PTGER1: variants seen among roughly 807,000 people sequenced by gnomAD.
PTGER1 encodes the protein prostaglandin E receptor 1.
Under a neutral mutation model 18.5 loss-of-function variants are expected in PTGER1, and 15 were observed. The observed-to-expected ratio is 0.81, with a 90% CI of 0.54 to 1.25. The LOEUF (loss-of-function observed/expected upper bound fraction) is 1.25, where lower values mean the gene tolerates loss of function less well. Ranked by LOEUF, PTGER1 falls within the 50% of genes most tolerant of loss-of-function variation. The pLI is 0.00. For synonymous variants in PTGER1, 339 were observed against 308.4 expected (o/e 1.10, Z -1.04); for missense variants, 567 against 603.4 (o/e 0.94, Z 0.63).
At position 14,473,529 on chromosome 19, in the gene PTGER1, CGAGGCGGAG is replaced by C. The variant is rs2071586632; in HGVS notation, c.783_791del (p.Ala266_Ser268del). 2 of 1,559,958 alleles carry C rather than the reference CGAGGCGGAG, an allele frequency of 1.3e-6. No homozygotes were observed. The highest frequency in any genetic ancestry group is 1.7e-6 in the Non-Finnish European group (2 of 1,158,102). ...AGGCCGAAGCGATGGACGAGGCGGA[CGAGGCGGAG>C]GCCGAGCGGGGTCCGTGCGCCCCCC... is the stretch of plus-strand genomic sequence containing the variant. On this transcript the variant is annotated inframe_deletion, in exon 2 of 3. Transcript: ENST00000292513. This position sits in a 1 kb window ranked among gnomAD's most constrained non-coding sequence, Gnocchi z 7.1.
chr19:14,472,520 C>T lies in PTGER1; in HGVS notation c.*40G>A. ...TCTGCGCCGCGCACCTGGGCCCAGCCCAGGGTGGGCTGGCTTAGTCGTTGG... is the reference window on the plus strand; with the variant it reads ...TCTGCGCCGCGCACCTGGGCCCAGCTCAGGGTGGGCTGGCTTAGTCGTTGG... On this transcript the variant is annotated 3_prime_UTR_variant, in exon 3 of 3. Coordinates refer to ENST00000292513, the MANE Select transcript of PTGER1 (RefSeq NM_000955.3). 1 of 1,507,424 alleles carries T rather than the reference C, an allele frequency of 6.6e-7. No individual in the cohort carries two copies. The highest frequency in any genetic ancestry group is 8.8e-7 in the Non-Finnish European group (1 of 1,135,856). 93.4% of individuals were successfully genotyped at this position (1,507,424 alleles called of 1,614,324 possible).
Position 14,474,667 on chromosome 19 carries a change from T to C in PTGER1, c.-17-330A>G, listed in dbSNP as rs913999532. ...TCTGCCAGTGCCTCCGACCCCCACC[T>C]TCCATTTTTACACCCAGCAAATTCC... On this transcript the variant is annotated intron_variant, in intron 1 of 2. Coordinates refer to ENST00000292513, the MANE Select transcript of PTGER1 (RefSeq NM_000955.3). The surrounding 1 kb of genome is among the most constrained non-coding windows in gnomAD (Gnocchi z 5.4). 2.0e-5 allele frequency among the ~76,000 whole-genome samples: 3 copies of C among 150,674 alleles called. No homozygotes were observed. The highest frequency in any genetic ancestry group is 4.4e-5 in the Non-Finnish European group (3 of 67,704).
At position 14,472,620 on chromosome 19, in the gene PTGER1, C is replaced by T. The variant is rs1246594579; in HGVS notation, c.1149G>A (p.Pro383=). 1 of 1,601,860 alleles carries T rather than the reference C, an allele frequency of 6.2e-7. No homozygotes were observed. The highest frequency in any genetic ancestry group is 8.5e-7 in the Non-Finnish European group (1 of 1,175,552). Residue 383 remains proline (P), a synonymous_variant, in exon 3 of 3, where the codon CCG becomes CCA. Transcript: ENST00000292513. ...GCAGCGAGCTGGCCTCCCAGGCGCTCGGTGTTAGGCCCAGCCCCGCGGGGC... is the reference window on the plus strand; with the variant it reads ...GCAGCGAGCTGGCCTCCCAGGCGCTTGGTGTTAGGCCCAGCCCCGCGGGGC... ...KGGPAGLGLT[P]SAWEASSLRS... is the part of the protein sequence containing the mutation.
Position 14,472,582 on chromosome 19 carries a change from T to G in PTGER1, c.1187A>C (p.His396Pro). ...WEASSLRSSR[H>P]SGLSHF Reference sequence around the variant, plus strand: ...TGCTTAGAAGTGGCTGAGGCCGCTGTGCCGGGAGCTGCGCAGCGAGCTGGC... The same window carrying G: ...TGCTTAGAAGTGGCTGAGGCCGCTGGGCCGGGAGCTGCGCAGCGAGCTGGC... The change falls in exon 3 of 3, where the codon CAC becomes CCC. Residue 396 changes from histidine to proline, a missense_variant. Transcript: ENST00000292513. The G allele has an allele frequency of 2.5e-6, 4 of 1,590,418 alleles. No homozygotes were observed. The highest frequency in any genetic ancestry group is 3.4e-6 in the Non-Finnish European group (4 of 1,171,388).
In PTGER1 at chr19:14,473,669, C is replaced by G; in HGVS notation, c.652G>C (p.Ala218Pro). 2.7e-6 allele frequency: 4 copies of G among 1,475,796 alleles called. No individual in the cohort carries two copies. Among genetic ancestry groups the G allele is most frequent in the South Asian group, 1.3e-5 (1 of 78,002 alleles). 91.4% of individuals were successfully genotyped at this position (1,475,796 alleles called of 1,614,324 possible). Residue 218 changes from alanine (A) to proline (P), a missense_variant, in exon 2 of 3, where the codon GCG (alanine) becomes CCG (proline). Coordinates refer to ENST00000292513, the MANE Select transcript of PTGER1 (RefSeq NM_000955.3). This position sits in a 1 kb window ranked among gnomAD's most constrained non-coding sequence, Gnocchi z 7.1. ...CCGCTGAGCGTGTTGCACACCAGCGCGGCGAGGAGCGCGACCAGGCCGAGG... is the reference window on the plus strand; with the variant it reads ...CCGCTGAGCGTGTTGCACACCAGCGGGGCGAGGAGCGCGACCAGGCCGAGG... ...ASLGLVALLAALVCNTLSGLA... is the reference protein window; with the variant it reads ...ASLGLVALLAPLVCNTLSGLA...
Position 14,472,907 on chromosome 19 carries a change from T to TA in PTGER1, c.943-82dup, listed in dbSNP as rs2071579092. 1.8e-5 allele frequency: 25 copies of TA among 1,387,208 alleles called. No individual in the cohort carries two copies. In the South Asian group the frequency reaches 3.4e-4, roughly 19 times the overall value. The allele number at this position is 1,387,208 out of a possible 1,614,324, so 85.9% of individuals were successfully genotyped here. ...GGATGGTGGGGGCGTGGCTGGAAGG[T>TA]AAAAGCCTGGGAGGAGGGGCGAGCC... On this transcript the variant is annotated intron_variant, in intron 2 of 2. Transcript: ENST00000292513.
Position 14,473,732 on chromosome 19 carries a change from C to G in PTGER1, c.589G>C (p.Gly197Arg). Residue 197 changes from glycine (G) to arginine (R), a missense_variant, in exon 2 of 3, where the codon GGC (glycine) becomes CGC (arginine). Transcript: ENST00000292513. The surrounding 1 kb of genome is among the most constrained non-coding windows in gnomAD (Gnocchi z 7.1). ...WCFIGLGPPGGWRQALLAGLF... is the reference protein window; with the variant it reads ...WCFIGLGPPGRWRQALLAGLF... ...CCAGCAAGCAGTGCCTGGCGCCAGC[C>G]GCCCGGGGGACCCAGGCCGATGAAG... 1 of 1,460,196 alleles carries G rather than the reference C, an allele frequency of 6.8e-7. No individual in the cohort carries two copies. Among genetic ancestry groups the G allele is most frequent in the Non-Finnish European group, 9.0e-7 (1 of 1,111,754 alleles). 90.5% of individuals were successfully genotyped at this position (1,460,196 alleles called of 1,614,324 possible). A position where few individuals can be genotyped will look rare whatever the true frequency, so the allele number is the denominator to read the frequency against.
In PTGER1 at chr19:14,473,521, G is replaced by C. The variant is rs1275918952; in HGVS notation, c.800C>G (p.Ser267Trp). 10 of 1,560,830 alleles carry C rather than the reference G, an allele frequency of 6.4e-6. No individual in the cohort carries two copies. Among genetic ancestry groups the C allele is most frequent in the Non-Finnish European group, 8.6e-6 (10 of 1,158,390 alleles). ...GAAGGTGGAGGCCGAAGCGATGGAC[G>C]AGGCGGACGAGGCGGAGGCCGAGCG... is the stretch of plus-strand genomic sequence containing the variant. ...GPRSASASSA[S>W]SIASASTFFG... Residue 267 changes from serine (S) to tryptophan (W), a missense_variant, in exon 2 of 3, where the codon TCG becomes TGG. Physicochemically the swap from Ser to Trp is radical, Grantham distance 177 (BLOSUM62 -3). Transcript: ENST00000292513. The surrounding 1 kb of genome is among the most constrained non-coding windows in gnomAD (Gnocchi z 7.1).
In PTGER1 at chr19:14,473,112, T is replaced by C. The variant is rs560020827; in HGVS notation, c.942+267A>G. ...CTAGGGAATGAAGCGCGGCGACTTA[T>C]AACGGTGGGGCAGGAGAGGAGGCTT... On this transcript the variant is annotated intron_variant, in intron 2 of 2. Coordinates refer to ENST00000292513, the MANE Select transcript of PTGER1 (RefSeq NM_000955.3). The surrounding 1 kb of genome is among the most constrained non-coding windows in gnomAD (Gnocchi z 7.1). 6.0e-5 allele frequency among the ~76,000 whole-genome samples: 9 copies of C among 150,548 alleles called. No individual in the cohort carries two copies. Among genetic ancestry groups the C allele is most frequent in the East Asian group, 2.0e-4 (1 of 5,068 alleles).
chr19:14,473,520 C>T lies in PTGER1; in HGVS notation c.801G>A (p.Ser267=). 6.4e-7 allele frequency: 1 copy of T among 1,560,660 alleles called. No homozygotes were observed. Among genetic ancestry groups the T allele is most frequent in the Non-Finnish European group, 8.6e-7 (1 of 1,158,254 alleles). ...AGAAGGTGGAGGCCGAAGCGATGGA[C>T]GAGGCGGACGAGGCGGAGGCCGAGC... The part of the protein sequence containing the change: ...GPRSASASSA[S]SIASASTFFG... The change falls in exon 2 of 3, where the codon TCG becomes TCA. Residue 267 remains serine, a synonymous_variant. Coordinates refer to ENST00000292513, the MANE Select transcript of PTGER1 (RefSeq NM_000955.3). This position sits in a 1 kb window ranked among gnomAD's most constrained non-coding sequence, Gnocchi z 7.1.
In PTGER1 at chr19:14,473,530, G is replaced by T. The variant is rs370548595; in HGVS notation, c.791C>A (p.Ser264Ter). ...GGCCGAAGCGATGGACGAGGCGGAC[G>T]AGGCGGAGGCCGAGCGGGGTCCGTG... ...GAHGPRSASA[S>*]SASSIASAST... The change falls in exon 2 of 3, where the codon TCG becomes TAG. Residue 264 changes from serine to a stop codon, truncating the protein, a stop_gained. Coordinates refer to ENST00000292513, the MANE Select transcript of PTGER1 (RefSeq NM_000955.3). LOFTEE classifies it high-confidence loss of function. The surrounding 1 kb of genome is among the most constrained non-coding windows in gnomAD (Gnocchi z 7.1). 2.6e-6 allele frequency: 4 copies of T among 1,557,716 alleles called. No homozygotes were observed. The South Asian group carries it at 4.7e-5, about 18-fold the overall frequency.
At chr19:14,472,880 AG>A in intron 2 of PTGER1, 54 bp from the exon 3 acceptor site, 1 of 1,495,168 alleles carries the variant, frequency 6.7e-7, no homozygotes, top group Non-Finnish European at 8.9e-7. Context: ...AGGGGGGCGC[AG>A]GGATGGTGGG....
Position 14,473,868 on chromosome 19 carries a change from G to C in PTGER1, c.453C>G (p.Val151=). The C allele has an allele frequency of 8.2e-7, 1 of 1,222,558 alleles. No individual in the cohort carries two copies. Among genetic ancestry groups the C allele is most frequent in the South Asian group, 3.7e-5 (1 of 27,378 alleles). The allele number at this position is 1,222,558 out of a possible 1,614,324, so 75.7% of individuals were successfully genotyped here. A position where few individuals can be genotyped will look rare whatever the true frequency, so the allele number is the denominator to read the frequency against. ...CGGCCAGCGCCAGGCGCGCGCGGGCGACCGAGACCCGCGCGGCGTGGAGCA... is the reference window on the plus strand; with the variant it reads ...CGGCCAGCGCCAGGCGCGCGCGGGCCACCGAGACCCGCGCGGCGTGGAGCA... ...RPLLHAARVS[V]ARARLALAAV... is the part of the protein sequence containing the mutation. The change falls in exon 2 of 3, where the codon GTC becomes GTG. Residue 151 remains valine, a synonymous_variant. Transcript: ENST00000292513. This position sits in a 1 kb window ranked among gnomAD's most constrained non-coding sequence, Gnocchi z 7.1.
Position 14,473,497 on chromosome 19 carries a change from A to G in PTGER1, c.824T>C (p.Phe275Ser), listed in dbSNP as rs2071585801. 6.3e-7 allele frequency: 1 copy of G among 1,583,712 alleles called. No individual in the cohort carries two copies. The highest frequency in any genetic ancestry group is 1.8e-5 in the Admixed American group (1 of 56,388). Residue 275 changes from phenylalanine to serine, a missense_variant, in exon 2 of 3, where the codon TTC becomes TCC. Transcript: ENST00000292513. This position sits in a 1 kb window ranked among gnomAD's most constrained non-coding sequence, Gnocchi z 7.1. ...SASSIASASTFFGGSRSSGSA... is the reference protein window; with the variant it reads ...SASSIASASTSFGGSRSSGSA... Reference sequence around the variant, plus strand: ...GCCGCTGCTCCGAGAGCCGCCAAAGAAGGTGGAGGCCGAAGCGATGGACGA... The same window carrying G: ...GCCGCTGCTCCGAGAGCCGCCAAAGGAGGTGGAGGCCGAAGCGATGGACGA...
In PTGER1 at chr19:14,473,139, T is replaced by C. The variant is rs1280485139; in HGVS notation, c.942+240A>G. On this transcript the variant is annotated intron_variant, in intron 2 of 2. Coordinates refer to ENST00000292513, the MANE Select transcript of PTGER1 (RefSeq NM_000955.3). The surrounding 1 kb of genome is among the most constrained non-coding windows in gnomAD (Gnocchi z 7.1). ...ACGGTGGGGCAGGAGAGGAGGCTTG[T>C]GTGGGTCGGGGTGCGCTACAAAGAC... Among the ~76,000 whole-genome samples, 2 of 148,364 alleles carry C rather than the reference T, an allele frequency of 1.3e-5. No individual in the cohort carries two copies. The highest frequency in any genetic ancestry group is 3.0e-5 in the Non-Finnish European group (2 of 67,166).
Position 14,473,837 on chromosome 19 carries a change from C to G in PTGER1, c.484G>C (p.Ala162Pro). 2 of 1,258,404 alleles carry G rather than the reference C, an allele frequency of 1.6e-6. No individual in the cohort carries two copies. Among genetic ancestry groups the G allele is most frequent in the East Asian group, 6.8e-5 (2 of 29,518 alleles). The allele number at this position is 1,258,404 out of a possible 1,614,324, so 78.0% of individuals were successfully genotyped here. A position where few individuals can be genotyped will look rare whatever the true frequency, so the allele number is the denominator to read the frequency against. ...ARARLALAAV[A>P]AVALAVALLP... is the part of the protein sequence containing the mutation. The stretch of plus-strand genomic sequence containing the variant: ...AGCGCCACGGCCAAGGCCACCGCGG[C>G]CACCGCGGCCAGCGCCAGGCGCGCG... Residue 162 changes from alanine to proline, a missense_variant, in exon 2 of 3, where the codon GCC becomes CCC. Physicochemically the swap from Ala to Pro is conservative, Grantham distance 27 (BLOSUM62 -1). Transcript: ENST00000292513. The surrounding 1 kb of genome is among the most constrained non-coding windows in gnomAD (Gnocchi z 7.1).
At position 14,474,461 on chromosome 19, in the gene PTGER1, C is replaced by T. The variant is rs972161695; in HGVS notation, c.-17-124G>A. On this transcript the variant is annotated intron_variant, in intron 1 of 2. Coordinates refer to ENST00000292513, the MANE Select transcript of PTGER1 (RefSeq NM_000955.3). The surrounding 1 kb of genome is among the most constrained non-coding windows in gnomAD (Gnocchi z 5.4). ...GGCGTTCTCAGGCGGCCCCTCTGCCCATGGCAGTTGCCATGGGCAACTCCA... is the reference window on the plus strand; with the variant it reads ...GGCGTTCTCAGGCGGCCCCTCTGCCTATGGCAGTTGCCATGGGCAACTCCA... 32 of 1,135,986 alleles carry T rather than the reference C, an allele frequency of 2.8e-5. 1 individual carries two copies. Among genetic ancestry groups the T allele is most frequent in the Middle Eastern group, 3.1e-4 (1 of 3,276 alleles). The allele number at this position is 1,135,986 out of a possible 1,614,324, so 70.4% of individuals were successfully genotyped here.
chr19:14,473,595 G>C lies in PTGER1; in HGVS notation c.726C>G (p.Pro242=). The C allele has an allele frequency of 6.8e-7, 1 of 1,471,680 alleles. No individual in the cohort carries two copies. Among genetic ancestry groups the C allele is most frequent in the South Asian group, 1.3e-5 (1 of 74,994 alleles). The allele number at this position is 1,471,680 out of a possible 1,614,324, so 91.2% of individuals were successfully genotyped here. ...GCCGGCTGTCGGGGCCTGAGGCCGGGGGAGGCCGTCGGGAGCGGCGTCGCC... is the reference window on the plus strand; with the variant it reads ...GCCGGCTGTCGGGGCCTGAGGCCGGCGGAGGCCGTCGGGAGCGGCGTCGCC... ...ARWRRRSRRP[P]PASGPDSRRR... The change falls in exon 2 of 3, where the codon CCC becomes CCG. Residue 242 remains proline, a synonymous_variant. Coordinates refer to ENST00000292513, the MANE Select transcript of PTGER1 (RefSeq NM_000955.3). This position sits in a 1 kb window ranked among gnomAD's most constrained non-coding sequence, Gnocchi z 7.1.
rs1599338900 is a variant in PTGER1, at chr19:14,472,790, T to G, written c.979A>C (p.Thr327Pro). The G allele has an allele frequency of 6.4e-7, 1 of 1,567,194 alleles. No individual in the cohort carries two copies. Among genetic ancestry groups the G allele is most frequent in the East Asian group, 2.4e-5 (1 of 41,882 alleles). Residue 327 changes from threonine to proline, a missense_variant, in exon 3 of 3, where the codon ACC becomes CCC. Physicochemically the swap from Thr to Pro is conservative, Grantham distance 38 (BLOSUM62 -1). Transcript: ENST00000292513. ...VALAVGGWSS[T>P]SLQRPLFLAV... is the part of the protein sequence containing the mutation. ...AGGAACAGTGGCCGCTGCAGGGAGGTAGAGCTCCAGCCGCCGACGGCCAGC... is the reference window on the plus strand; with the variant it reads ...AGGAACAGTGGCCGCTGCAGGGAGGGAGAGCTCCAGCCGCCGACGGCCAGC...
Sources: allele counts gnomAD v4.1 joint callset (sites outside exome capture counted in the v4.1 genomes callset), GRCh38; gene constraint gnomAD v4.1.1; non-coding constraint Gnocchi (gnomAD v3.1); transcripts MANE v1.5; gene names NCBI Gene and HGNC (gene_info 2026-07-23, HGNC 2026-07-21).